NEMF: variants seen among roughly 807,000 people sequenced by gnomAD.
The protein encoded by NEMF is ribosome quality control complex subunit NEMF.
Under a neutral mutation model 162.2 loss-of-function variants are expected in NEMF, and 89 were observed. That is an observed-to-expected ratio of 0.55 (90% confidence interval 0.46 to 0.65). The LOEUF is 0.65. NEMF is among the 30% of genes least tolerant of loss of function. The pLI is 0.00. For synonymous variants in NEMF, 421 were observed against 404.5 expected, an observed-to-expected ratio of 1.04 and a Z score of -0.49; for missense variants, 1,133 against 1,261.9, an observed-to-expected ratio of 0.90 and a Z score of 1.55.
At chr14:49,820,928 C>T (rs1399774508) in intron 16 of NEMF, among the ~76,000 whole-genome samples, 5 of 151,758 alleles carry the variant, frequency 3.3e-5, no homozygotes, top group Non-Finnish European at 7.4e-5. Flanking sequence ...TGCTCCCCAC[C>T]TGGGAAGTGA....
intron 11 of NEMF, among the ~76,000 whole-genome samples, chr14:49,830,998 G>A (rs906074645): frequency 1.3e-5 from 2 of 152,190 alleles, no homozygotes; most frequent in African/African-American, 4.8e-5. Context: ...TGTTTGAGAA[G>A]CTTTGGGTTG....
chr14:49,848,558 T>C (rs369647425), intron 3 of NEMF, among the ~76,000 whole-genome samples: 23 of 152,062 alleles, frequency 1.5e-4, no homozygotes, highest in African/African-American at 5.6e-4. Context: ...AAATACGGTC[T>C]GGGTATGGCA....
Position 49,806,079 on chromosome 14 carries a change from T to C in NEMF, c.1799A>G (p.Tyr600Cys). The C allele has an allele frequency of 3.7e-6, 6 of 1,612,050 alleles. No homozygotes were observed. Among genetic ancestry groups the C allele is most frequent in the Non-Finnish European group, 4.2e-6 (5 of 1,179,324 alleles). Residue 600 changes from tyrosine to cysteine, a missense_variant, in exon 19 of 33, where the codon TAC becomes TGC. Transcript: ENST00000298310. ...LTEAGTMALCYSAAWDARVIT... is the reference protein window; with the variant it reads ...LTEAGTMALCCSAAWDARVIT... ...AACTCGTGCATCCCAAGCAGCACTGTAGCAAAGTGCCATTGTGCCAGCTTC... is the reference window on the plus strand; with the variant it reads ...AACTCGTGCATCCCAAGCAGCACTGCAGCAAAGTGCCATTGTGCCAGCTTC...
intron 3 of NEMF, among the ~76,000 whole-genome samples, chr14:49,847,969 T>G (rs1351717052): frequency 6.7e-6 from 1 of 150,308 alleles, no homozygotes; most frequent in Non-Finnish European, 1.5e-5. Context: ...GAGGCGGAGG[T>G]TACAGTGAGC....
chr14:49,852,133 A>G (rs1042045868), intron 1 of NEMF, among the ~76,000 whole-genome samples: 1 of 151,410 alleles, frequency 6.6e-6, no homozygotes, highest in Non-Finnish European at 1.5e-5. Flanking sequence ...TTGGGGGAGA[A>G]ATACAGTAAA....
chr14:49,828,309 A>G lies in NEMF; in HGVS notation c.1470T>C (p.Thr490=), dbSNP rs780179355. The G allele has an allele frequency of 1.2e-6, 2 of 1,606,052 alleles. No homozygotes were observed. Among genetic ancestry groups the G allele is most frequent in the Admixed American group, 3.4e-5 (2 of 59,396 alleles). Residue 490 remains threonine (T), a synonymous_variant, in exon 15 of 33, where the codon ACT becomes ACC. Transcript: ENST00000298310. ...KRYAAKKTQK[T]VEAAEKAFKS... is the part of the protein sequence containing the mutation. ...TCAGTACCTTCTCAGCAGCTTCAAC[A>G]GTCTTTTGTGTTTTCTTAGCAGCAT...
chr14:49,832,387 A>G, intron 8 of NEMF, 110 bp from the exon 9 acceptor site: 1 of 716,788 alleles, frequency 1.4e-6, no homozygotes. Context: ...GCTGGAGTGC[A>G]GTGGTATATT....
intron 3 of NEMF, among the ~76,000 whole-genome samples, chr14:49,848,268 C>G (rs1184237600): frequency 1.3e-5 from 2 of 152,080 alleles, no homozygotes; most frequent in Non-Finnish European, 2.9e-5. Context: ...AACTCTCATT[C>G]TTTATTAAAT....
intron 6 of NEMF, among the ~76,000 whole-genome samples, chr14:49,835,218 C>CAAAA (rs55826615): frequency 2.3e-5 from 3 of 132,946 alleles, no homozygotes; most frequent in Non-Finnish European, 3.1e-5. Context: ...ACCCCGCAAC[C>CAAAA]AAAAAAAAAA....
intron 16 of NEMF, among the ~76,000 whole-genome samples, chr14:49,818,084 C>CTTTTTT (rs983729819): frequency 7.6e-6 from 1 of 132,348 alleles, no homozygotes; most frequent in Non-Finnish European, 1.6e-5. Context: ...AGTGATGAGA[C>CTTTTTT]TTTTTTTTTT....
intron 6 of NEMF, among the ~76,000 whole-genome samples, chr14:49,835,719 T>G (rs1404574843): frequency 1.3e-5 from 2 of 152,154 alleles, no homozygotes; most frequent in Non-Finnish European, 2.9e-5. Context: ...AAGTAAAGCA[T>G]CCTTATTCAC....
chr14:49,816,945 A>C (rs1891743600), intron 16 of NEMF, among the ~76,000 whole-genome samples: 1 of 152,242 alleles, frequency 6.6e-6, no homozygotes, highest in South Asian at 2.1e-4. Flanking sequence ...AATGAAGACA[A>C]AAGAGGACAC....
In NEMF at chr14:49,846,150, A is replaced by G. The variant is rs1298712628; in HGVS notation, c.347T>C (p.Leu116Pro). The change falls in exon 4 of 33, where the codon CTC becomes CCC. Residue 116 changes from leucine (L) to proline (P), a missense_variant. Leu to Pro is a moderately conservative substitution (Grantham distance 98). This residue lies in a region of NEMF where 582 missense variants were observed against 631.5 expected (regional missense o/e 0.92). Transcript: ENST00000298310. The stretch of plus-strand genomic sequence containing the variant: ...ACAAATTTAACTTACCCTATCATAG[A>G]GCTCAATGATTAAATGGTAAGCAGC... Reference protein sequence around the residue: ...DEAAYHLIIELYDRGNIVLTD... With the variant: ...DEAAYHLIIEPYDRGNIVLTD... 3 of 1,613,022 alleles carry G rather than the reference A, an allele frequency of 1.9e-6. No homozygotes were observed. The highest frequency in any genetic ancestry group is 1.7e-6 in the Non-Finnish European group (2 of 1,179,534).
intron 28 of NEMF, among the ~76,000 whole-genome samples, chr14:49,787,356 C>T (rs111646339): frequency 1.3e-3 from 195 of 152,270 alleles, no homozygotes; most frequent in African/African-American, 4.5e-3. Flanking sequence ...ATCAAGGCAC[C>T]AGCAGATTCA....
Position 49,795,931 on chromosome 14 carries a change from T to TC in NEMF, c.2478dup (p.Lys827GlufsTer6). ...TCTCCTGAGTCACTTGGAAGTTTTTTCTTTTTCATTTCCCTGAATAAAAAA... is the reference window on the plus strand; with the variant it reads ...TCTCCTGAGTCACTTGGAAGTTTTTTCCTTTTTCATTTCCCTGAATAAAAAA... On this transcript the variant is annotated frameshift_variant, in exon 26 of 33. Coordinates refer to ENST00000298310, the MANE Select transcript of NEMF (RefSeq NM_004713.6). LOFTEE classifies it high-confidence loss of function. 1 of 1,592,114 alleles carries TC rather than the reference T, an allele frequency of 6.3e-7. No individual in the cohort carries two copies. Among genetic ancestry groups the TC allele is most frequent in the Non-Finnish European group, 8.5e-7 (1 of 1,174,096 alleles).
In NEMF at chr14:49,852,764, G is replaced by A. The variant is rs771537306; in HGVS notation, c.-11C>T. 1.2e-5 allele frequency: 19 copies of A among 1,614,024 alleles called. No individual in the cohort carries two copies. The highest frequency in any genetic ancestry group is 6.7e-5 in the Admixed American group (4 of 60,006). On this transcript the variant is annotated 5_prime_UTR_variant, in exon 1 of 33. Coordinates refer to ENST00000298310, the MANE Select transcript of NEMF (RefSeq NM_004713.6). ...AAAGCGGCTCTTCATGGCGAGGCCC[G>A]AGGGTCACTACCGCAAGTTCCTCTA...
In NEMF at chr14:49,784,218, T is replaced by C. The variant is rs934648960; in HGVS notation, c.*418A>G. 6.5e-6 allele frequency: 1 copy of C among 153,086 alleles called. No homozygotes were observed. Among genetic ancestry groups the C allele is most frequent in the African/African-American group, 2.4e-5 (1 of 41,178 alleles). 9.5% of individuals were successfully genotyped at this position (153,086 alleles called of 1,614,324 possible). Reference sequence around the variant, plus strand: ...AAGAATTAAGTCCTTTTGGTGAATATAGCAAGGCAATGTTTAGTTCATTTG... The same window carrying C: ...AAGAATTAAGTCCTTTTGGTGAATACAGCAAGGCAATGTTTAGTTCATTTG... On this transcript the variant is annotated 3_prime_UTR_variant, in exon 33 of 33. Transcript: ENST00000298310.
At chr14:49,838,842 C>T (rs1235862765) in intron 5 of NEMF, among the ~76,000 whole-genome samples, 1 of 152,078 alleles carries the variant, frequency 6.6e-6, no homozygotes, top group Non-Finnish European at 1.5e-5. Flanking sequence ...CCTTGGCCTC[C>T]CAAAGCGGTG....
rs1889967900 is a variant in NEMF at position 49,782,772 on chromosome 14, G to T, written c.*1864C>A. ...GGATGTTTTATGTAGTTTTTCAAGT[G>T]AATGTACTTCCAAACAGTAAAGTGA... is the stretch of plus-strand genomic sequence containing the variant. On this transcript the variant is annotated 3_prime_UTR_variant, in exon 33 of 33. Transcript: ENST00000298310. The T allele has an allele frequency of 6.4e-7, 1 of 1,569,050 alleles. No homozygotes were observed. Among genetic ancestry groups the T allele is most frequent in the South Asian group, 1.2e-5 (1 of 85,040 alleles).
Sources: gnomAD v4.1 joint callset for allele counts (sites outside exome capture counted in the v4.1 genomes callset) on GRCh38, gnomAD v4.1.1 for gene constraint, gnomAD v4.1.1 regional missense constraint, MANE v1.5 for transcripts, NCBI Gene and HGNC (gene_info 2026-07-23, HGNC 2026-07-21) for gene names.